PARD3B: variants seen among roughly 807,000 people sequenced by gnomAD.
PARD3B encodes the protein par-3 family cell polarity regulator beta, also known as partitioning defective 3 homolog B.
Under a neutral mutation model 130.2 loss-of-function variants are expected in PARD3B, and 103 were observed. That is an observed-to-expected ratio of 0.79 (90% CI 0.67 to 0.93). PARD3B has a LOEUF of 0.93. Among genes scored for constraint, PARD3B ranks in the 40% least tolerant of loss-of-function variants. The probability of loss-of-function intolerance (pLI) is 0.00; values close to 1 mark genes in which losing one functional copy is unlikely to be tolerated. For synonymous variants in PARD3B, 583 were observed against 553.2 expected (o/e 1.05, Z -0.76); for missense variants, 1,609 against 1,499.2 (o/e 1.07, Z -1.21).
At chr2:204,749,544 G>C (rs962674473) in intron 2 of PARD3B, among the ~76,000 whole-genome samples, 2 of 152,102 alleles carry the variant, frequency 1.3e-5, no homozygotes, top group Non-Finnish European at 2.9e-5. Flanking sequence ...CATATCTAAT[G>C]AGAGCATAAA....
At chr2:204,835,516 C>T (rs1035516345) in intron 2 of PARD3B, among the ~76,000 whole-genome samples, 3 of 152,152 alleles carry the variant, frequency 2.0e-5, no homozygotes, top group African/African-American at 7.2e-5. Flanking sequence ...GTCTTTATCC[C>T]CTGCTCCGTT....
intron 20 of PARD3B, among the ~76,000 whole-genome samples, chr2:205,451,453 C>A (rs2048101035): frequency 6.6e-6 from 1 of 152,120 alleles, no homozygotes; most frequent in African/African-American, 2.4e-5. Context: ...TCTATGGAAT[C>A]CACCACAAAT....
chr2:205,253,314 C>T lies in PARD3B; in HGVS notation c.2185+7492C>T. ...TTAACACAAAGGCTCTGGCCGCCCC[C>T]CTACAAAGGAGGCCATGGAACCGAT... is the stretch of plus-strand genomic sequence containing the variant. On this transcript the variant is annotated intron_variant, in intron 16 of 22. Transcript: ENST00000406610. This position sits in a 1 kb window ranked among gnomAD's most constrained non-coding sequence, Gnocchi z 4.4. 6 of 520,992 alleles carry T rather than the reference C, an allele frequency of 1.2e-5. 1 individual carries two copies. The highest frequency in any genetic ancestry group is 2.3e-5 in the Non-Finnish European group (6 of 256,754). The allele number at this position is 520,992 out of a possible 1,614,324, so 32.3% of individuals were successfully genotyped here. A position where few individuals can be genotyped will look rare whatever the true frequency, so the allele number is the denominator to read the frequency against.
At chr2:204,934,391 G>A (rs1358830234) in intron 2 of PARD3B, among the ~76,000 whole-genome samples, 1 of 152,184 alleles carries the variant, frequency 6.6e-6, no homozygotes, top group Non-Finnish European at 1.5e-5. Flanking sequence ...GGGAACACTG[G>A]AGGTTTCATG....
rs143536098 is a variant in PARD3B, at chr2:204,864,181, C to A, written c.223-100971C>A. On this transcript the variant is annotated intron_variant, in intron 2 of 22. Transcript: ENST00000406610. The stretch of plus-strand genomic sequence containing the variant: ...GGAGCACGACAGCATACTCCTAAGC[C>A]GTTCCTGTACTTCTGTCCTTGCCCT... 5.0e-3 allele frequency among the ~76,000 whole-genome samples: 756 copies of A among 152,214 alleles called. 7 individuals carry two copies. Among genetic ancestry groups the A allele is most frequent in the African/African-American group, 0.017 (686 of 41,508 alleles).
intron 15 of PARD3B, among the ~76,000 whole-genome samples, chr2:205,210,077 A>G (rs2037543138): frequency 6.6e-6 from 1 of 152,038 alleles, no homozygotes; most frequent in Non-Finnish European, 1.5e-5. Flanking sequence ...CTTAAGGGAT[A>G]AAACAGGGCC....
In PARD3B at chr2:204,991,085, T is replaced by TTA. The variant is rs1553581640; in HGVS notation, c.394+25762_394+25763insTA. ...TCAGTTGTCATTCTTTTTTTTTTTT[T>TTA]ATTATACTTATATAAGTTTTAGGGT... On this transcript the variant is annotated intron_variant, in intron 3 of 22. Transcript: ENST00000406610. 5.3e-3 allele frequency among the ~76,000 whole-genome samples: 802 copies of TTA among 152,012 alleles called. 8 individuals carry two copies. Among genetic ancestry groups the TTA allele is most frequent in the African/African-American group, 0.018 (765 of 41,428 alleles).
At chr2:204,838,776 T>C (rs561350067) in intron 2 of PARD3B, among the ~76,000 whole-genome samples, 16 of 152,260 alleles carry the variant, frequency 1.1e-4, no homozygotes, top group South Asian at 6.2e-4. Flanking sequence ...ATTATACTTA[T>C]TTGATCTTTA....
chr2:205,574,057 T>G (rs879737145), intron 22 of PARD3B, among the ~76,000 whole-genome samples: 27 of 152,170 alleles, frequency 1.8e-4, no homozygotes, highest in Admixed American at 1.1e-3. Context: ...AAAAATGTCC[T>G]TAAAGATAAA....
chr2:205,118,091 A>T (rs1281448612), intron 6 of PARD3B, among the ~76,000 whole-genome samples: 2 of 151,550 alleles, frequency 1.3e-5, no homozygotes, highest in Admixed American at 6.6e-5. Flanking sequence ...ATTTTGGACA[A>T]CTCTTCCCAA....
rs904232884 is a variant in PARD3B, at chr2:204,959,216, A to C, written c.223-5936A>C. On this transcript the variant is annotated intron_variant, in intron 2 of 22. Transcript: ENST00000406610. ...ATTATTCAGCTGCCACTTATGAGTGAGAACATGCGGTGTTTGGTTTTCTGT... is the reference window on the plus strand; with the variant it reads ...ATTATTCAGCTGCCACTTATGAGTGCGAACATGCGGTGTTTGGTTTTCTGT... 3.3e-5 allele frequency among the ~76,000 whole-genome samples: 5 copies of C among 152,262 alleles called. No individual in the cohort carries two copies. The South Asian group carries it at 1.0e-3, about 32-fold the overall frequency.
At chr2:204,592,684 T>C (rs2033126986) in intron 1 of PARD3B, among the ~76,000 whole-genome samples, 1 of 152,250 alleles carries the variant, frequency 6.6e-6, no homozygotes, top group South Asian at 2.1e-4. Flanking sequence ...TTTTATTATA[T>C]TCTCAGAGTA....
intron 2 of PARD3B, among the ~76,000 whole-genome samples, chr2:204,921,543 A>G (rs1465190655): frequency 1.1e-5 from 1 of 91,900 alleles, no homozygotes; most frequent in Non-Finnish European, 2.8e-5. Context: ...GAAGCACTCA[A>G]AAAAGAAAGG....
At chr2:205,552,588 C>A (rs1482408987) in intron 21 of PARD3B, among the ~76,000 whole-genome samples, 1 of 151,814 alleles carries the variant, frequency 6.6e-6, no homozygotes, top group South Asian at 2.1e-4. Flanking sequence ...TTTGTATCTT[C>A]AGCAGAGATG....
Position 205,550,951 on chromosome 2 carries a change from A to ATGTGTGTG in PARD3B, c.3181-2368_3181-2367insGTGTGTGT, listed in dbSNP as rs369139099. ...TGTGTGTGTGTGTGTGTATATATAT[A>ATGTGTGTG]TGTGTATATATATATATATATATAT... On this transcript the variant is annotated intron_variant, in intron 21 of 22. Coordinates refer to ENST00000406610, the MANE Select transcript of PARD3B (RefSeq NM_001302769.2). The surrounding 1 kb of genome is among the most constrained non-coding windows in gnomAD (Gnocchi z 4.5). Among the ~76,000 whole-genome samples the ATGTGTGTG allele has an allele frequency of 7.0e-4, 54 of 77,580 alleles. No homozygotes were observed. Among genetic ancestry groups the ATGTGTGTG allele is most frequent in the East Asian group, 6.3e-3 (20 of 3,164 alleles). The allele number at this position is 77,580 out of a possible 152,430, so 50.9% of individuals were successfully genotyped here.
intron 18 of PARD3B, among the ~76,000 whole-genome samples, chr2:205,348,551 A>C (rs1316211439): frequency 6.6e-6 from 1 of 152,224 alleles, no homozygotes; most frequent in African/African-American, 2.4e-5. Flanking sequence ...AAATATGAAA[A>C]GGAAATGGCA....
rs1696830715 is a variant in PARD3B at position 205,024,070 on chromosome 2, T to C, written c.395-23511T>C. ...GGATTTCTGTGAATATAAACAAACA[T>C]GTAATACACTAAGAATAATGCCCAG... On this transcript the variant is annotated intron_variant, in intron 3 of 22. Coordinates refer to ENST00000406610, the MANE Select transcript of PARD3B (RefSeq NM_001302769.2). 3.3e-5 allele frequency among the ~76,000 whole-genome samples: 5 copies of C among 152,120 alleles called. No homozygotes were observed. In the South Asian group the frequency reaches 1.0e-3, roughly 32 times the overall value.
chr2:204,850,021 A>G (rs2044644741), intron 2 of PARD3B, among the ~76,000 whole-genome samples: 1 of 152,176 alleles, frequency 6.6e-6, no homozygotes, highest in Non-Finnish European at 1.5e-5. Context: ...ATCTATGCAT[A>G]TGCCCATACA....
chr2:204,863,073 T>A (rs2045275778), intron 2 of PARD3B, among the ~76,000 whole-genome samples: 1 of 152,068 alleles, frequency 6.6e-6, no homozygotes, highest in Admixed American at 6.5e-5. Context: ...GGACCAGCAG[T>A]CTGTTTTTTC....
Sources: gnomAD v4.1 joint callset for allele counts (sites outside exome capture counted in the v4.1 genomes callset) on GRCh38, gnomAD v4.1.1 for gene constraint, Gnocchi (gnomAD v3.1) non-coding constraint, MANE v1.5 for transcripts, NCBI Gene and HGNC (gene_info 2026-07-23, HGNC 2026-07-21) for gene names.